Variants in MCOLN2 observed in about 807,000 individuals in gnomAD.
MCOLN2 encodes the protein mucolipin TRP cation channel 2.
MCOLN2 carries 57 observed loss-of-function variants against 67.5 expected under a neutral mutation model. That is an observed-to-expected ratio of 0.84 (90% confidence interval 0.68 to 1.05). MCOLN2 has a LOEUF of 1.05. MCOLN2 is among the 50% of genes least tolerant of loss of function. MCOLN2 has a pLI of 0.00. For synonymous variants in MCOLN2, 246 were observed against 233.3 expected (o/e 1.05, Z -0.50); for missense variants, 620 against 678.8 (o/e 0.91, Z 0.96).
chr1:84,967,856 GGGAA>G (rs1649463336), intron 1 of MCOLN2, among the ~76,000 whole-genome samples: 1 of 145,546 alleles, frequency 6.9e-6, no homozygotes, highest in South Asian at 2.3e-4. Context: ...GAGAGAGGGA[GGGAA>G]GGAAGGAAGA....
chr1:84,932,152 T>C (rs1469414695), intron 11 of MCOLN2, among the ~76,000 whole-genome samples: 1 of 152,132 alleles, frequency 6.6e-6, no homozygotes, highest in African/African-American at 2.4e-5. Flanking sequence ...GTTTAGATCC[T>C]GGTTTTTCTC....
rs763445371 is a variant in MCOLN2, at chr1:84,989,268, AAAT to A, written c.77+7525_77+7527del. 1.5e-3 allele frequency among the ~76,000 whole-genome samples: 232 copies of A among 152,330 alleles called. 1 individual carries two copies. The highest frequency in any genetic ancestry group is 0.014 in the Middle Eastern group (4 of 294). On this transcript the variant is annotated intron_variant, in intron 1 of 13. Transcript: ENST00000370608. ...TCCTTGGTTAATATCTTTTGTGATC[AAAT>A]AATAATAACAACAATATTAATAACA... is the stretch of plus-strand genomic sequence containing the variant.
At position 84,939,497 on chromosome 1, in the gene MCOLN2, C is replaced by T. The variant is rs1647624078; in HGVS notation, c.1110+56G>A. 11 of 1,558,232 alleles carry T rather than the reference C, an allele frequency of 7.1e-6. No homozygotes were observed. The East Asian group carries it at 1.6e-4, about 22-fold the overall frequency. On this transcript the variant is annotated intron_variant, in intron 9 of 13. Coordinates refer to ENST00000370608, the MANE Select transcript of MCOLN2 (RefSeq NM_153259.4). ...CCAAAGGATGGTACGTCTTAAGATGCCTGTGGCCATCCAGGAGAAGATGAA... is the reference window on the plus strand; with the variant it reads ...CCAAAGGATGGTACGTCTTAAGATGTCTGTGGCCATCCAGGAGAAGATGAA...
At chr1:84,987,581 GATA>G (rs1557666018) in intron 1 of MCOLN2, among the ~76,000 whole-genome samples, 2 of 47,296 alleles carry the variant, frequency 4.2e-5, no homozygotes, top group Non-Finnish European at 8.0e-5. Context: ...TGTATACATA[GATA>G]TATACATATG....
At position 84,929,554 on chromosome 1, in the gene MCOLN2, T is replaced by C. The variant is rs368072342; in HGVS notation, c.1664+4A>G. The C allele has an allele frequency of 3.1e-6, 5 of 1,611,788 alleles. No homozygotes were observed. Among genetic ancestry groups the C allele is most frequent in the Middle Eastern group, 1.6e-4 (1 of 6,072 alleles). On this transcript the variant is annotated splice_donor_region_variant and intron_variant, in intron 13 of 13. Transcript: ENST00000370608. ...GGAGCATGGAGAATAAACATGATAC[T>C]GACCTCCTCCGACAGCAGATGCAGG...
chr1:84,927,067 A>G (rs1005860807), intron 13 of MCOLN2, among the ~76,000 whole-genome samples: 4 of 152,016 alleles, frequency 2.6e-5, no homozygotes, highest in Non-Finnish European at 5.9e-5. Flanking sequence ...GGGGAGGGAG[A>G]GCATTAGGAC....
chr1:84,929,721 T>G (rs1042258216), intron 12 of MCOLN2, 42 bp from the exon 13 acceptor site: 1 of 1,583,092 alleles, frequency 6.3e-7, no homozygotes, highest in African/African-American at 1.3e-5. Context: ...TTATAAGGCA[T>G]GAGAAATTGC....
At chr1:84,988,286 A>G (rs1650718718) in intron 1 of MCOLN2, among the ~76,000 whole-genome samples, 1 of 151,938 alleles carries the variant, frequency 6.6e-6, no homozygotes, top group Admixed American at 6.6e-5. Flanking sequence ...TCTTGGACTC[A>G]AGCAATCCTC....
chr1:84,987,836 T>G (rs1270853340), intron 1 of MCOLN2, among the ~76,000 whole-genome samples: 2 of 151,874 alleles, frequency 1.3e-5, no homozygotes, highest in Non-Finnish European at 2.9e-5. Context: ...AAACATCATA[T>G]ATTCTCACTT....
chr1:84,965,229 T>C (rs994337801), intron 2 of MCOLN2, among the ~76,000 whole-genome samples: 3 of 152,194 alleles, frequency 2.0e-5, no homozygotes, highest in Admixed American at 2.0e-4. Flanking sequence ...ATTTTGGAAG[T>C]ATATTTGAAT....
rs1365646633 is a variant in MCOLN2, at chr1:84,931,530, A to C, written c.1374T>G (p.Ser458=). The C allele has an allele frequency of 6.2e-7, 1 of 1,614,124 alleles. No homozygotes were observed. The highest frequency in any genetic ancestry group is 1.3e-5 in the African/African-American group (1 of 75,046). The change falls in exon 12 of 14, where the codon TCT becomes TCG. Residue 458 remains serine, a synonymous_variant. Transcript: ENST00000370608. ...NLNTVAECLF[S]LVNGDDMFAT... ...CAAACATGTCATCACCGTTGACCAG[A>C]GAAAACAGACACTCAGCAACTGTGT...
chr1:84,974,800 GC>G (rs1649916761), intron 1 of MCOLN2, among the ~76,000 whole-genome samples: 1 of 152,102 alleles, frequency 6.6e-6, no homozygotes, highest in African/African-American at 2.4e-5. Context: ...CCAGAAGGGA[GC>G]CCACTGCCCT....
Position 84,937,980 on chromosome 1 carries a change from C to T in MCOLN2, c.1212+1G>A. On this transcript the variant is annotated splice_donor_variant, in intron 10 of 13. Coordinates refer to ENST00000370608, the MANE Select transcript of MCOLN2 (RefSeq NM_153259.4). LOFTEE classifies it high-confidence loss of function. Reference sequence around the variant, plus strand: ...GGCACTACCCGGTGCCGCATCCTTACATTATATGCCTGGAAATAACCCAGG... The same window carrying T: ...GGCACTACCCGGTGCCGCATCCTTATATTATATGCCTGGAAATAACCCAGG... The T allele has an allele frequency of 3.7e-6, 6 of 1,613,662 alleles. No individual in the cohort carries two copies. The highest frequency in any genetic ancestry group is 5.1e-6 in the Non-Finnish European group (6 of 1,179,584).
chr1:84,958,977 C>A (rs191134077), intron 2 of MCOLN2, among the ~76,000 whole-genome samples: 26 of 152,214 alleles, frequency 1.7e-4, no homozygotes, highest in Admixed American at 1.6e-3. Context: ...AAGAAAGAAT[C>A]CAAATCAGCT....
rs754244436 is a variant in MCOLN2 at position 84,952,331 on chromosome 1, T to A, written c.659A>T (p.Gln220Leu). 2 of 1,611,916 alleles carry A rather than the reference T, an allele frequency of 1.2e-6. No homozygotes were observed. Among genetic ancestry groups the A allele is most frequent in the East Asian group, 2.2e-5 (1 of 44,834 alleles). The change falls in exon 6 of 14, where the codon CAG becomes CTG. Residue 220 changes from glutamine (Q) to leucine (L), a missense_variant. By Grantham distance (113) the Gln-to-Leu change is moderately radical (BLOSUM62 -2). Coordinates refer to ENST00000370608, the MANE Select transcript of MCOLN2 (RefSeq NM_153259.4). ...FFRLEFYRLLQVEISFHLKGI... is the reference protein window; with the variant it reads ...FFRLEFYRLLLVEISFHLKGI... ...TTTAAGATGAAAGGAGATTTCAACC[T>A]GTAAGAGCCTGAATAAAATATATTG...
intron 1 of MCOLN2, among the ~76,000 whole-genome samples, chr1:84,987,176 ATATC>A (rs79075979): frequency 0.49 from 62,008 of 125,344 alleles, 13,767 homozygotes; most frequent in Middle Eastern, 0.6. Context: ...ATATATAGGC[ATATC>A]TATCTATCTA....
intron 7 of MCOLN2, among the ~76,000 whole-genome samples, chr1:84,946,228 T>C (rs1648096312): frequency 1.3e-5 from 2 of 152,178 alleles, no homozygotes; most frequent in Admixed American, 1.3e-4. Context: ...TCTGCCCCAC[T>C]CAAACTTATT....
At chr1:84,939,212 C>T (rs1464317340) in intron 9 of MCOLN2, among the ~76,000 whole-genome samples, 2 of 152,194 alleles carry the variant, frequency 1.3e-5, no homozygotes, top group Non-Finnish European at 2.9e-5. Flanking sequence ...ACCCAATGGT[C>T]ACAGATCCTC....
chr1:84,970,442 G>T (rs1278229535), intron 1 of MCOLN2, among the ~76,000 whole-genome samples: 1 of 151,690 alleles, frequency 6.6e-6, no homozygotes, highest in African/African-American at 2.4e-5. Flanking sequence ...GGGTGAGGTG[G>T]GTGGATCACT....
Sources: gnomAD v4.1 joint callset for allele counts (sites outside exome capture counted in the v4.1 genomes callset) on GRCh38, gnomAD v4.1.1 for gene constraint, MANE v1.5 for transcripts, NCBI Gene and HGNC (gene_info 2026-07-23, HGNC 2026-07-21) for gene names.